NCLN: variants seen among roughly 807,000 people sequenced by gnomAD.
The protein encoded by NCLN is nicalin, also known as BOS complex subunit NCLN.
In NCLN, 34 loss-of-function variants were observed where a neutral mutation model predicts 69.5. The observed-to-expected ratio is 0.49, with a 90% confidence interval of 0.37 to 0.65. The LOEUF (loss-of-function observed/expected upper bound fraction) is 0.65. Among genes scored for constraint, NCLN ranks in the 30% least tolerant of loss-of-function variants. The pLI is 0.00. For missense variants in NCLN, 710 were observed against 804.8 expected (o/e 0.88, Z 1.42); for synonymous variants, 393 against 358.3 (o/e 1.10, Z -1.09).
In NCLN at chr19:3,192,515, C is replaced by T. The variant is rs781149342; in HGVS notation, c.230C>T (p.Ala77Val). 8.1e-6 allele frequency: 13 copies of T among 1,607,668 alleles called. No individual in the cohort carries two copies. The South Asian group carries it at 8.8e-5, about 11-fold the overall frequency. ...VLNTEARTMA[A>V]EVLSRRCVLM... is the part of the protein sequence containing the mutation. ...AACACGGAGGCGCGCACGATGGCGG[C>T]GGAGGTGCTGAGCCGCCGCTGCGTG... Residue 77 changes from alanine (A) to valine (V), a missense_variant, in exon 2 of 15, where the codon GCG becomes GTG. Physicochemically the swap from Ala to Val is moderately conservative, Grantham distance 64 (BLOSUM62 0). Transcript: ENST00000246117.
chr19:3,197,151 C>T (rs1398011662), intron 4 of NCLN, among the ~76,000 whole-genome samples: 1 of 152,242 alleles, frequency 6.6e-6, no homozygotes, highest in Admixed American at 6.5e-5. Flanking sequence ...GTCCTATTCC[C>T]AGCGCCAGTT....
intron 3 of NCLN, among the ~76,000 whole-genome samples, chr19:3,195,613 T>C (rs1483227610): frequency 6.6e-6 from 1 of 152,068 alleles, no homozygotes; most frequent in Non-Finnish European, 1.5e-5. Context: ...CTTATTATCT[T>C]TTATTTTATT....
chr19:3,203,702 T>C, intron 6 of NCLN, 54 bp from the exon 7 acceptor site: 1 of 1,513,562 alleles, frequency 6.6e-7, no homozygotes, highest in Non-Finnish European at 9.0e-7. Flanking sequence ...GCCTGGTCCC[T>C]CCTCCACCCC....
At chr19:3,187,122 C>T (rs1385439465) in intron 1 of NCLN, among the ~76,000 whole-genome samples, 1 of 152,132 alleles carries the variant, frequency 6.6e-6, no homozygotes, top group Non-Finnish European at 1.5e-5. Context: ...CCCACTTGTT[C>T]CATCTTTCCA....
rs1350421528 is a variant in NCLN at position 3,189,974 on chromosome 19, C to A, written c.185-2496C>A. Among the ~76,000 whole-genome samples the A allele has an allele frequency of 3.9e-5, 6 of 152,358 alleles. No homozygotes were observed. In the South Asian group the frequency reaches 1.2e-3, roughly 32 times the overall value. Reference sequence around the variant, plus strand: ...TGTCCCCCTCCGTTCCTCTGACTTGCTGCTGCTCCTTCCCTTCTCCCTCCT... The same window carrying A: ...TGTCCCCCTCCGTTCCTCTGACTTGATGCTGCTCCTTCCCTTCTCCCTCCT... On this transcript the variant is annotated intron_variant, in intron 1 of 14. Transcript: ENST00000246117.
chr19:3,207,789 A>C lies in NCLN; in HGVS notation c.*101A>C. ...CCGCCGCGGGCGGCCCTGCAGGGAC[A>C]GGGGCCCTCTCCCTCCCCGGCGGTG... On this transcript the variant is annotated 3_prime_UTR_variant, in exon 15 of 15. Transcript: ENST00000246117. The C allele has an allele frequency of 1.0e-6, 1 of 978,234 alleles. No homozygotes were observed. The highest frequency in any genetic ancestry group is 1.6e-6 in the Non-Finnish European group (1 of 622,358). 60.6% of individuals were successfully genotyped at this position (978,234 alleles called of 1,614,324 possible).
intron 1 of NCLN, among the ~76,000 whole-genome samples, chr19:3,188,503 C>T (rs559885447): frequency 6.6e-6 from 1 of 152,296 alleles, no homozygotes; most frequent in African/African-American, 2.4e-5. Flanking sequence ...CGTTTTCCTT[C>T]CCCGATTCCC....
chr19:3,202,520 A>T (rs1387901741), intron 6 of NCLN, among the ~76,000 whole-genome samples: 1 of 152,198 alleles, frequency 6.6e-6, no homozygotes, highest in Non-Finnish European at 1.5e-5. Context: ...CGGCCCAGTC[A>T]CCTGCTCCCG....
chr19:3,193,541 T>G, intron 3 of NCLN, 113 bp downstream of exon 3: 1 of 1,271,730 alleles, frequency 7.9e-7, no homozygotes, highest in South Asian at 1.6e-5. Context: ...GTGGCATCCC[T>G]TCGCCGGGGT....
At chr19:3,188,628 A>T (rs1915731741) in intron 1 of NCLN, among the ~76,000 whole-genome samples, 1 of 151,616 alleles carries the variant, frequency 6.6e-6, no homozygotes, top group African/African-American at 2.4e-5. Context: ...TCTTCTTTTC[A>T]CTGGCCTCCT....
intron 3 of NCLN, 73 bp from the exon 4 acceptor site, chr19:3,196,110 G>A (rs1046800080): frequency 6.2e-6 from 7 of 1,126,672 alleles, no homozygotes; most frequent in Middle Eastern, 2.0e-4. Flanking sequence ...AACCTGGGGT[G>A]TCAGTGCTGG....
Position 3,205,279 on chromosome 19 carries a change from A to G in NCLN, c.1208+528A>G, listed in dbSNP as rs1306083431. Among the ~76,000 whole-genome samples, 2 of 152,186 alleles carry G rather than the reference A, an allele frequency of 1.3e-5. No homozygotes were observed. The highest frequency in any genetic ancestry group is 4.8e-5 in the African/African-American group (2 of 41,446). On this transcript the variant is annotated intron_variant, in intron 9 of 14. Transcript: ENST00000246117. The surrounding 1 kb of genome is among the most constrained non-coding windows in gnomAD (Gnocchi z 4.6). ...GGCCACCCCAGGCACACTCCTGGCC[A>G]GTCCTGGCACCAGCAGGTGGGCGCC...
rs1345041218 is a variant in NCLN at position 3,193,410 on chromosome 19, T to C, written c.502T>C (p.Ser168Pro). 1 of 1,606,748 alleles carries C rather than the reference T, an allele frequency of 6.2e-7. No homozygotes were observed. Among genetic ancestry groups the C allele is most frequent in the Non-Finnish European group, 8.5e-7 (1 of 1,179,048 alleles). Residue 168 changes from serine (S) to proline (P), a missense_variant, in exon 3 of 15, where the codon TCC becomes CCC. Transcript: ENST00000246117. ...CCAGGCTGCCTCCGCCTCCCAGGGC[T>C]CCGCCTCTGCTGCTGAAGGTGTGCT... ...QTQAASASQG[S>P]ASAAEVLLRT...
In NCLN at chr19:3,201,637, G is replaced by C; in HGVS notation, c.800+11G>C. 6.5e-7 allele frequency: 1 copy of C among 1,527,142 alleles called. No homozygotes were observed. Among genetic ancestry groups the C allele is most frequent in the Non-Finnish European group, 8.8e-7 (1 of 1,140,600 alleles). The allele number at this position is 1,527,142 out of a possible 1,614,324, so 94.6% of individuals were successfully genotyped here. A position where few individuals can be genotyped will look rare whatever the true frequency, so the allele number is the denominator to read the frequency against. Reference sequence around the variant, plus strand: ...GCGCACGCACGCCGCGTGAGTGCCGGGGTGGGCAGGGGGATGGGGGTGCGG... The same window carrying C: ...GCGCACGCACGCCGCGTGAGTGCCGCGGTGGGCAGGGGGATGGGGGTGCGG... On this transcript the variant is annotated intron_variant, in intron 6 of 14. Transcript: ENST00000246117.
At chr19:3,198,957 A>T in intron 5 of NCLN, 60 bp downstream of exon 5, 1 of 1,252,988 alleles carries the variant, frequency 8.0e-7, no homozygotes, top group Non-Finnish European at 1.1e-6. Flanking sequence ...GCTCCAGTCC[A>T]GTGCCGAGGC....
chr19:3,205,605 A>C lies in NCLN; in HGVS notation c.1209-334A>C, dbSNP rs1916243397. ...CCCAGGAGGGCCACCTGGGATTTGCAGAGGGTCCCAGAATGGATTCTTCCA... is the reference window on the plus strand; with the variant it reads ...CCCAGGAGGGCCACCTGGGATTTGCCGAGGGTCCCAGAATGGATTCTTCCA... On this transcript the variant is annotated intron_variant, in intron 9 of 14. Transcript: ENST00000246117. This position sits in a 1 kb window ranked among gnomAD's most constrained non-coding sequence, Gnocchi z 4.6. Among the ~76,000 whole-genome samples the C allele has an allele frequency of 2.0e-5, 3 of 152,134 alleles. No homozygotes were observed. Among genetic ancestry groups the C allele is most frequent in the Admixed American group, 2.0e-4 (3 of 15,268 alleles).
intron 5 of NCLN, 118 bp downstream of exon 5, chr19:3,199,015 AC>A (rs1238644403): frequency 2.0e-5 from 13 of 662,580 alleles, no homozygotes; most frequent in Non-Finnish European, 2.7e-5. Context: ...TCTCCCTGTG[AC>A]GGCCTTTGCC....
intron 1 of NCLN, among the ~76,000 whole-genome samples, 174 bp from the exon 2 acceptor site, chr19:3,192,296 C>G (rs1226188662): frequency 8.0e-6 from 1 of 124,902 alleles, no homozygotes; most frequent in East Asian, 2.8e-4. Flanking sequence ...CCCTGTGACC[C>G]GTTATGTCGG....
intron 1 of NCLN, 114 bp from the exon 2 acceptor site, chr19:3,192,356 G>A: frequency 1.2e-6 from 1 of 837,480 alleles, no homozygotes; most frequent in Middle Eastern, 3.4e-4. Flanking sequence ...GGTCTTCCAG[G>A]TTGTGGGCTG....
Sources: allele counts gnomAD v4.1 joint callset (sites outside exome capture counted in the v4.1 genomes callset), GRCh38; gene constraint gnomAD v4.1.1; non-coding constraint Gnocchi (gnomAD v3.1); transcripts MANE v1.5; gene names NCBI Gene and HGNC (gene_info 2026-07-23, HGNC 2026-07-21).